CDH4: variants seen among roughly 807,000 people sequenced by gnomAD.
The protein encoded by CDH4 is cadherin-4.
CDH4 carries 33 observed loss-of-function variants against 86.0 expected under a neutral mutation model. The observed-to-expected ratio is 0.38, with a 90% CI of 0.29 to 0.51. CDH4 has a LOEUF of 0.51. Among genes scored for constraint, CDH4 ranks in the 20% least tolerant of loss-of-function variants. The pLI, the probability that CDH4 is intolerant of heterozygous loss-of-function variation, is 0.86. For synonymous variants in CDH4, 555 were observed against 549.4 expected (o/e 1.01, Z -0.14); for missense variants, 1,114 against 1,307.4 (o/e 0.85, Z 2.28).
intron 9 of CDH4, among the ~76,000 whole-genome samples, chr20:61,914,221 C>T (rs543668678): frequency 5.9e-5 from 9 of 152,288 alleles, no homozygotes; most frequent in African/African-American, 1.4e-4. Context: ...CTGAGTCTCA[C>T]GGTGCTGCCT....
intron 2 of CDH4, among the ~76,000 whole-genome samples, chr20:61,382,925 A>G (rs1221659976): frequency 6.6e-6 from 1 of 151,660 alleles, no homozygotes; most frequent in Non-Finnish European, 1.5e-5. Context: ...GGGTTAGGAT[A>G]TAGACATGTT....
intron 2 of CDH4, among the ~76,000 whole-genome samples, chr20:61,665,296 G>A (rs1211173843): frequency 2.0e-5 from 3 of 152,252 alleles, no homozygotes; most frequent in Non-Finnish European, 2.9e-5. Flanking sequence ...CCTTCAATTC[G>A]GCAGCTGTTT....
chr20:61,579,315 C>A (rs911585658), intron 2 of CDH4, among the ~76,000 whole-genome samples: 4 of 129,358 alleles, frequency 3.1e-5, no homozygotes, highest in Non-Finnish European at 6.3e-5. Flanking sequence ...GAGACGGAGT[C>A]TCTCTCTGTT....
At chr20:61,876,385 C>T (rs953765746) in intron 7 of CDH4, among the ~76,000 whole-genome samples, 1 of 152,236 alleles carries the variant, frequency 6.6e-6, no homozygotes, top group African/African-American at 2.4e-5. Flanking sequence ...CGCAGGAAAC[C>T]GTTCTCTCCC....
chr20:61,862,012 G>A (rs1214266816), intron 6 of CDH4, among the ~76,000 whole-genome samples: 3 of 152,320 alleles, frequency 2.0e-5, no homozygotes, highest in South Asian at 2.1e-4. Context: ...CACTGTGAAC[G>A]GGAAGCGCCT....
chr20:61,831,312 C>T (rs558683782), intron 4 of CDH4, among the ~76,000 whole-genome samples: 1 of 152,272 alleles, frequency 6.6e-6, no homozygotes, highest in South Asian at 2.1e-4. Context: ...AAGACCTGGC[C>T]CACTTCCAGG....
intron 2 of CDH4, among the ~76,000 whole-genome samples, chr20:61,318,582 A>C (rs1383700911): frequency 1.3e-5 from 2 of 152,182 alleles, no homozygotes; most frequent in Non-Finnish European, 2.9e-5. Context: ...TGCGCTCTAG[A>C]AGGGCACCAT....
At chr20:61,505,636 G>A (rs2085734974) in intron 2 of CDH4, among the ~76,000 whole-genome samples, 1 of 143,094 alleles carries the variant, frequency 7.0e-6, no homozygotes. Context: ...ACATGGTCAT[G>A]GCCGTTTTTA....
chr20:61,724,832 C>T (rs1347363398), intron 2 of CDH4, among the ~76,000 whole-genome samples: 1 of 152,180 alleles, frequency 6.6e-6, no homozygotes, highest in African/African-American at 2.4e-5. Context: ...GAGAGAGGGC[C>T]AGGCATAGTG....
intron 2 of CDH4, among the ~76,000 whole-genome samples, chr20:61,621,094 A>G (rs1259542369): frequency 3.3e-5 from 5 of 152,238 alleles, no homozygotes; most frequent in Non-Finnish European, 7.3e-5. Flanking sequence ...AGTGAAACAT[A>G]TCTTAAGATG....
chr20:61,335,806 T>G (rs1206965855), intron 2 of CDH4, among the ~76,000 whole-genome samples: 3 of 152,180 alleles, frequency 2.0e-5, no homozygotes, highest in Non-Finnish European at 4.4e-5. Context: ...GCATCCTGTC[T>G]TGGCTATTGA....
chr20:61,265,997 G>A (rs754988201), intron 2 of CDH4, among the ~76,000 whole-genome samples: 52 of 152,190 alleles, frequency 3.4e-4, no homozygotes, highest in Non-Finnish European at 6.5e-4. Context: ...AGCAGCTTCC[G>A]ATCTGGGCCC....
At chr20:61,310,339 G>A (rs773194845) in intron 2 of CDH4, among the ~76,000 whole-genome samples, 4 of 152,294 alleles carry the variant, frequency 2.6e-5, no homozygotes, top group South Asian at 2.1e-4. Context: ...GGTCCCCAAC[G>A]TTTTTGGCAC....
At chr20:61,761,616 A>G (rs2088633464) in intron 3 of CDH4, among the ~76,000 whole-genome samples, 1 of 152,172 alleles carries the variant, frequency 6.6e-6, no homozygotes, top group Non-Finnish European at 1.5e-5. Flanking sequence ...AGCTGCCAAC[A>G]CCCGGGAGCC....
At chr20:61,362,993 G>A (rs1221032006) in intron 2 of CDH4, among the ~76,000 whole-genome samples, 1 of 152,170 alleles carries the variant, frequency 6.6e-6, no homozygotes, top group East Asian at 1.9e-4. Flanking sequence ...TGAACTGTGT[G>A]TCCTGGAGAG....
At chr20:61,362,403 T>C (rs28579792) in intron 2 of CDH4, among the ~76,000 whole-genome samples, 47,059 of 145,986 alleles carry the variant, frequency 0.32, 7,929 homozygotes, top group Middle Eastern at 0.49. Context: ...TAGGACAGCG[T>C]AGGGGAGAGC....
Position 61,570,981 on chromosome 20 carries a change from G to T in CDH4, c.170-172582G>T, listed in dbSNP as rs762703947. On this transcript the variant is annotated intron_variant, in intron 2 of 15. Coordinates refer to ENST00000614565, the MANE Select transcript of CDH4 (RefSeq NM_001794.5). ...GAGGCAGTACATTTTGTAGCTGGAAGATTCGCCGCCTGTGTGTGGGGATGC... is the reference window on the plus strand; with the variant it reads ...GAGGCAGTACATTTTGTAGCTGGAATATTCGCCGCCTGTGTGTGGGGATGC... 6.7e-4 allele frequency among the ~76,000 whole-genome samples: 102 copies of T among 152,180 alleles called. 1 individual carries two copies. Among genetic ancestry groups the T allele is most frequent in the Non-Finnish European group, 8.8e-4 (60 of 68,040 alleles).
At chr20:61,458,970 T>TC (rs199802356) in intron 2 of CDH4, among the ~76,000 whole-genome samples, 6 of 143,176 alleles carry the variant, frequency 4.2e-5, no homozygotes, top group African/African-American at 1.5e-4. Flanking sequence ...TTTTTTTTTT[T>TC]CCTTCTGGAG....
chr20:61,268,407 A>G (rs2084168008), intron 2 of CDH4, among the ~76,000 whole-genome samples: 1 of 152,260 alleles, frequency 6.6e-6, no homozygotes, highest in South Asian at 2.1e-4. Flanking sequence ...CCAGGCCAAC[A>G]GGTCAGTGGG....
Sources: allele counts gnomAD v4.1 joint callset (sites outside exome capture counted in the v4.1 genomes callset), GRCh38; gene constraint gnomAD v4.1.1; transcripts MANE v1.5; gene names NCBI Gene and HGNC (gene_info 2026-07-23, HGNC 2026-07-21).